PCLO: variants seen among roughly 807,000 people sequenced by gnomAD.
The protein encoded by PCLO is piccolo presynaptic cytomatrix protein.
PCLO carries 82 observed loss-of-function variants against 427.5 expected under a neutral mutation model. The observed-to-expected ratio is 0.19, with a 90% CI of 0.16 to 0.23. The LOEUF (loss-of-function observed/expected upper bound fraction) is 0.23. Ranked by LOEUF, PCLO falls within the 10% of genes least tolerant of loss-of-function variation. The probability of loss-of-function intolerance (pLI) is 1.00; values close to 1 mark genes in which losing one functional copy is unlikely to be tolerated. For missense variants in PCLO, 6,239 were observed against 6,115.9 expected, an observed-to-expected ratio of 1.02 and a Z score of -0.67; for synonymous variants, 2,357 against 2,155.4, an observed-to-expected ratio of 1.09 and a Z score of -2.59.
At chr7:83,033,811 T>G (rs1489071279) in intron 3 of PCLO, among the ~76,000 whole-genome samples, 1 of 152,194 alleles carries the variant, frequency 6.6e-6, no homozygotes, top group Admixed American at 6.5e-5. Context: ...TAGACATGTT[T>G]CTCACCACCA....
intron 20 of PCLO, 170 bp downstream of exon 20, chr7:82,822,325 A>C: frequency 6.9e-7 from 1 of 1,448,520 alleles, no homozygotes. Flanking sequence ...AATCTAAATA[A>C]GAAAGAGCAT....
chr7:83,035,796 T>C (rs537157805), intron 3 of PCLO, among the ~76,000 whole-genome samples: 1 of 152,152 alleles, frequency 6.6e-6, no homozygotes, highest in African/African-American at 2.4e-5. Context: ...TTAACATCTA[T>C]TCTGTCCTTA....
intron 10 of PCLO, among the ~76,000 whole-genome samples, chr7:82,848,047 A>C (rs1031516831): frequency 6.6e-6 from 1 of 152,088 alleles, no homozygotes; most frequent in Non-Finnish European, 1.5e-5. Context: ...AGATAATTTC[A>C]TAGAAAAAAG....
At chr7:83,093,492 A>ATATTTTTTTTTTTTTTTTTTT in intron 3 of PCLO, among the ~76,000 whole-genome samples, 1 of 59,322 alleles carries the variant, frequency 1.7e-5, no homozygotes, top group Non-Finnish European at 3.3e-5. Flanking sequence ...ATATATATAT[A>ATATTTTTTTTTTTTTTTTTTT]TTTTTTTTTT....
At chr7:82,797,374 C>T (rs1659536687) in intron 22 of PCLO, among the ~76,000 whole-genome samples, 1 of 152,060 alleles carries the variant, frequency 6.6e-6, no homozygotes, top group Non-Finnish European at 1.5e-5. Flanking sequence ...TAAATACATC[C>T]ATCTTAACTA....
chr7:83,075,274 T>C (rs1278690860), intron 3 of PCLO, among the ~76,000 whole-genome samples: 3 of 152,160 alleles, frequency 2.0e-5, no homozygotes, highest in Non-Finnish European at 2.9e-5. Flanking sequence ...TTTTCTTTTT[T>C]ATCTATGACA....
chr7:82,776,931 CAT>C (rs985872013), intron 22 of PCLO, among the ~76,000 whole-genome samples: 10 of 150,678 alleles, frequency 6.6e-5, no homozygotes, highest in Middle Eastern at 3.4e-3. Flanking sequence ...CACACACACA[CAT>C]ACACACATAC....
chr7:82,879,537 C>A, intron 9 of PCLO, 75 bp from the exon 10 acceptor site: 2 of 1,145,102 alleles, frequency 1.7e-6, no homozygotes, highest in Admixed American at 2.7e-5. Context: ...ACAGAGAGCA[C>A]AAAAAGTAGG....
intron 3 of PCLO, among the ~76,000 whole-genome samples, chr7:83,006,089 A>G (rs970406855): frequency 1.3e-5 from 2 of 151,650 alleles, no homozygotes; most frequent in African/African-American, 4.8e-5. Flanking sequence ...AGTTAATACA[A>G]TTAACAAGGT....
intron 22 of PCLO, among the ~76,000 whole-genome samples, chr7:82,771,119 T>C (rs1170660891): frequency 6.6e-6 from 1 of 151,898 alleles, no homozygotes; most frequent in Non-Finnish European, 1.5e-5. Context: ...AAAATAAAAA[T>C]ACCATGATTG....
chr7:82,761,331 T>C (rs1790428386), intron 23 of PCLO, 28 bp downstream of exon 23: 7 of 1,273,686 alleles, frequency 5.5e-6, no homozygotes, highest in Non-Finnish European at 7.6e-6. Context: ...AATCTAGATA[T>C]ATTGATGATT....
At chr7:83,094,443 G>T (rs190922712) in intron 3 of PCLO, among the ~76,000 whole-genome samples, 2,545 of 152,098 alleles carry the variant, frequency 0.017, 24 homozygotes, top group Middle Eastern at 0.031. Flanking sequence ...TCTTGACCTC[G>T]TGATCCGCCT....
intron 3 of PCLO, among the ~76,000 whole-genome samples, chr7:82,976,515 A>C (rs1469041625): frequency 2.0e-5 from 3 of 152,208 alleles, no homozygotes; most frequent in African/African-American, 7.2e-5. Context: ...AGTCAGGCTG[A>C]GTCAACTTGT....
chr7:83,099,712 A>C (rs772836779), intron 3 of PCLO, among the ~76,000 whole-genome samples: 15 of 152,162 alleles, frequency 9.9e-5, no homozygotes, highest in Non-Finnish European at 2.1e-4. Flanking sequence ...GATTTTTTAA[A>C]GTATCTTTCT....
At chr7:83,078,614 C>G (rs1790016136) in intron 3 of PCLO, among the ~76,000 whole-genome samples, 1 of 151,828 alleles carries the variant, frequency 6.6e-6, no homozygotes, top group Admixed American at 6.6e-5. Flanking sequence ...TCACTGCAAC[C>G]TCCACCTCCC....
Position 82,868,043 on chromosome 7 carries a change from T to C in PCLO, c.13654+11294A>G, listed in dbSNP as rs1259146430. The C allele has an allele frequency of 5.9e-5, 26 of 443,378 alleles. No individual in the cohort carries two copies. In the Admixed American group the frequency reaches 6.0e-4, roughly 10 times the overall value. The allele number at this position is 443,378 out of a possible 1,614,324, so 27.5% of individuals were successfully genotyped here. On this transcript the variant is annotated intron_variant, in intron 10 of 24. Transcript: ENST00000333891. ...TCAACATGATATGTGGTCTGTGTCA[T>C]GTGTACCTAACGCACCAGCTTTAAG...
In PCLO at chr7:82,950,214, C is replaced by A; in HGVS notation, c.10374G>T (p.Val3458=). 4 of 1,612,534 alleles carry A rather than the reference C, an allele frequency of 2.5e-6. No homozygotes were observed. Among genetic ancestry groups the A allele is most frequent in the Non-Finnish European group, 3.4e-6 (4 of 1,179,714 alleles). ...DDEDATDRSY[V]SRRRRTKKSV... is the part of the protein sequence containing the mutation. ...TCTTTTTAGTTCTCCTTCTCCTACTCACATAGCTCCGATCTGTGGCATCTT... is the reference window on the plus strand; with the variant it reads ...TCTTTTTAGTTCTCCTTCTCCTACTAACATAGCTCCGATCTGTGGCATCTT... Residue 3458 remains valine, a synonymous_variant, in exon 6 of 25, where the codon GTG becomes GTT. Coordinates refer to ENST00000333891, the MANE Select transcript of PCLO (RefSeq NM_033026.6).
At chr7:83,070,388 GTT>G (rs35523358) in intron 3 of PCLO, among the ~76,000 whole-genome samples, 28 of 138,476 alleles carry the variant, frequency 2.0e-4, no homozygotes, top group East Asian at 4.3e-4. Flanking sequence ...ACGTTTTGTG[GTT>G]TTTTTTTTTT....
At chr7:83,072,696 T>C (rs1389700547) in intron 3 of PCLO, among the ~76,000 whole-genome samples, 1 of 152,078 alleles carries the variant, frequency 6.6e-6, no homozygotes, top group Non-Finnish European at 1.5e-5. Flanking sequence ...GTCTCAGATA[T>C]GATATCCAGA....
Sources: allele counts gnomAD v4.1 joint callset (sites outside exome capture counted in the v4.1 genomes callset), GRCh38; gene constraint gnomAD v4.1.1; transcripts MANE v1.5; gene names NCBI Gene and HGNC (gene_info 2026-07-23, HGNC 2026-07-21).